TTLL3: variants seen among roughly 807,000 people sequenced by gnomAD.
TTLL3 encodes tubulin tyrosine ligase like 3, also known as tubulin monoglycylase TTLL3.
TTLL3 carries 63 observed loss-of-function variants against 75.2 expected under a neutral mutation model. The observed-to-expected ratio is 0.84, with a 90% CI of 0.68 to 1.03. TTLL3 has a LOEUF of 1.03. Ranked by LOEUF, TTLL3 falls within the 50% of genes least tolerant of loss-of-function variation. The probability of loss-of-function intolerance (pLI) is 0.00; values close to 1 mark genes in which losing one functional copy is unlikely to be tolerated. For missense variants in TTLL3, 997 were observed against 1,069.9 expected (o/e 0.93, Z 0.95); for synonymous variants, 393 against 418.5 (o/e 0.94, Z 0.74).
At chr3:9,823,869 A>G (rs2080760768) in intron 8 of TTLL3, among the ~76,000 whole-genome samples, 1 of 152,240 alleles carries the variant, frequency 6.6e-6, no homozygotes. Context: ...TGAGGCAGCC[A>G]TCTGGGGTAT....
intron 7 of TTLL3, chr3:9,819,960 C>T (rs535758094): frequency 2.1e-4 from 207 of 986,294 alleles, no homozygotes; most frequent in Non-Finnish European, 2.3e-4. Flanking sequence ...CAGAGCACTG[C>T]GATGTTCAGG....
rs765116807 is a variant in TTLL3, at chr3:9,825,872, C to G, written c.927C>G (p.Ala309=). ...RCEDILQQLQ[A]VVPQIDMEGD... ...AGGACATCCTGCAGCAGCTGCAGGC[C>G]GTGGTACCCCAGATAGACATGGAAG... Residue 309 remains alanine (A), a synonymous_variant, in exon 9 of 14, where the codon GCC becomes GCG. Transcript: ENST00000685419. The G allele has an allele frequency of 9.3e-6, 15 of 1,614,124 alleles. No homozygotes were observed. The highest frequency in any genetic ancestry group is 1.2e-5 in the Non-Finnish European group (14 of 1,180,006).
At position 9,810,915 on chromosome 3, in the gene TTLL3, G is replaced by T. The variant is rs572477376; in HGVS notation, c.48+206G>T. On this transcript the variant is annotated intron_variant, in intron 2 of 13. Transcript: ENST00000685419. The surrounding 1 kb of genome is among the most constrained non-coding windows in gnomAD (Gnocchi z 4.4). The stretch of plus-strand genomic sequence containing the variant: ...GGCTCCCTCCACTCTGGTTCCCTGC[G>T]ATGTCCCACTCTAATCAAGGTGCCT... Among the ~76,000 whole-genome samples, 1 of 152,164 alleles carries T rather than the reference G, an allele frequency of 6.6e-6. No homozygotes were observed. The highest frequency in any genetic ancestry group is 2.1e-4 in the South Asian group (1 of 4,810).
chr3:9,818,568 CTG>C (rs1268127243), intron 6 of TTLL3: 1 of 972,942 alleles, frequency 1.0e-6, no homozygotes, highest in Admixed American at 3.8e-5. Flanking sequence ...CGGGGTTTCA[CTG>C]TGTTAGCCAG....
intron 12 of TTLL3, chr3:9,833,957 C>T (rs1575420172): frequency 5.9e-6 from 1 of 170,112 alleles, no homozygotes; most frequent in Non-Finnish European, 1.3e-5. Flanking sequence ...CTAAAAAATA[C>T]AAAAATTAGC....
At position 9,820,526 on chromosome 3, in the gene TTLL3, A is replaced by G; in HGVS notation, c.659-20A>G. ...ACCTGCCTTGATATGGGATCGTGAC[A>G]GGCCCCTCCCTATGTGCAGGAGACA... On this transcript the variant is annotated intron_variant, in intron 7 of 13. Transcript: ENST00000685419. 1.9e-6 allele frequency: 3 copies of G among 1,613,150 alleles called. No homozygotes were observed. The highest frequency in any genetic ancestry group is 2.5e-6 in the Non-Finnish European group (3 of 1,179,346).
chr3:9,819,346 A>T, intron 7 of TTLL3: 1 of 240,104 alleles, frequency 4.2e-6, no homozygotes, highest in Admixed American at 5.6e-5. Flanking sequence ...CCATCCACTC[A>T]TCCATTCTTC....
chr3:9,812,788 A>G lies in TTLL3; in HGVS notation c.49-155A>G, dbSNP rs143199560. The G allele has an allele frequency of 6.2e-4, 539 of 865,616 alleles. 1 individual carries two copies. In the African/African-American group the frequency reaches 8.8e-3, roughly 14 times the overall value. 53.6% of individuals were successfully genotyped at this position (865,616 alleles called of 1,614,324 possible). ...ATTATCATTATTACCATGCATATTT[A>G]TTTCTCTACTTATTTATAGTCTGTT... is the stretch of plus-strand genomic sequence containing the variant. On this transcript the variant is annotated intron_variant, in intron 2 of 13. Coordinates refer to ENST00000685419, the MANE Select transcript of TTLL3 (RefSeq NM_001387446.1).
At position 9,835,219 on chromosome 3, in the gene TTLL3, C is replaced by T; in HGVS notation, c.2178C>T (p.Asp726=). Reference sequence around the variant, plus strand: ...GGCCAAAGGCAAATTCAAGGCCAGACTGTGACAAACCCAGGGCTGAGGCCT... The same window carrying T: ...GGCCAAAGGCAAATTCAAGGCCAGATTGTGACAAACCCAGGGCTGAGGCCT... ...RSRPKANSRP[D]CDKPRAEACP... The change falls in exon 14 of 14, where the codon GAC becomes GAT. Residue 726 remains aspartate (D), a synonymous_variant. Coordinates refer to ENST00000685419, the MANE Select transcript of TTLL3 (RefSeq NM_001387446.1). 1 of 1,614,210 alleles carries T rather than the reference C, an allele frequency of 6.2e-7. No individual in the cohort carries two copies. The highest frequency in any genetic ancestry group is 1.1e-5 in the South Asian group (1 of 91,090).
intron 10 of TTLL3, chr3:9,828,035 G>A (rs1044410315): frequency 3.3e-5 from 5 of 151,840 alleles, no homozygotes; most frequent in African/African-American, 7.3e-5. Context: ...CCAGCTACTC[G>A]GGAGGCCGTG....
rs1239704211 is a variant in TTLL3, at chr3:9,836,153, G to A, written c.*664G>A. On this transcript the variant is annotated 3_prime_UTR_variant, in exon 14 of 14. Transcript: ENST00000685419. ...GTGAAACCGTTTCTACAGAAAATTA[G>A]CTGGGTGTGGTGGCACACACCTGTA... 3 of 152,218 alleles carry A rather than the reference G, an allele frequency of 2.0e-5. No homozygotes were observed. The highest frequency in any genetic ancestry group is 7.2e-5 in the African/African-American group (3 of 41,424). 9.4% of individuals were successfully genotyped at this position (152,218 alleles called of 1,614,324 possible).
At position 9,829,323 on chromosome 3, in the gene TTLL3, C is replaced by T. The variant is rs1306411792; in HGVS notation, c.1611C>T (p.Thr537=). The stretch of plus-strand genomic sequence containing the variant: ...TCTGTGCTGGCGTGCAAGCTGACAC[C>T]CTGCGCGTGGTCATTGACCGGATGC... The part of the protein sequence containing the change: ...ARLCAGVQAD[T]LRVVIDRMLD... The change falls in exon 11 of 14, where the codon ACC becomes ACT. Residue 537 remains threonine, a synonymous_variant. Transcript: ENST00000685419. The T allele has an allele frequency of 6.2e-7, 1 of 1,613,466 alleles. No homozygotes were observed. The highest frequency in any genetic ancestry group is 8.5e-7 in the Non-Finnish European group (1 of 1,179,640).
chr3:9,815,083 C>CA (rs1220767373), intron 4 of TTLL3, among the ~76,000 whole-genome samples: 1 of 151,152 alleles, frequency 6.6e-6, no homozygotes, highest in Non-Finnish European at 1.5e-5. Context: ...ACTAAAAATA[C>CA]AAAAAAATTA....
At chr3:9,819,223 A>C in intron 7 of TTLL3, 1 of 388,648 alleles carries the variant, frequency 2.6e-6, no homozygotes. Flanking sequence ...TGTCAGCTCC[A>C]TACTCCCCAT....
chr3:9,813,250 G>A lies in TTLL3; in HGVS notation c.220G>A (p.Asp74Asn). The A allele has an allele frequency of 1.9e-6, 3 of 1,614,228 alleles. No individual in the cohort carries two copies. The highest frequency in any genetic ancestry group is 1.3e-5 in the African/African-American group (1 of 75,052). ...MGDSDTTEDE[D>N]EDEDEEFQPS... ...AGCTCTGGGCTCTGCATCCACAGAGGATGAAGATGAGGACGAGGAGTTCCA... is the reference window on the plus strand; with the variant it reads ...AGCTCTGGGCTCTGCATCCACAGAGAATGAAGATGAGGACGAGGAGTTCCA... Residue 74 changes from aspartate to asparagine, a missense_variant and splice_region_variant, in exon 4 of 14, where the codon GAT becomes AAT. By Grantham distance (23) the Asp-to-Asn change is conservative. Transcript: ENST00000685419.
intron 8 of TTLL3, 117 bp downstream of exon 8, chr3:9,820,858 C>G (rs2080344942): frequency 1.4e-6 from 2 of 1,466,240 alleles, no homozygotes; most frequent in Non-Finnish European, 1.8e-6. Context: ...CCCCGCTGTT[C>G]TGCTCAGGAA....
In TTLL3 at chr3:9,810,279, CCGCCTCAGCGG is replaced by C. The variant is rs2079216630; in HGVS notation, c.-151_-141del. On this transcript the variant is annotated 5_prime_UTR_variant, in exon 1 of 14. Transcript: ENST00000685419. The surrounding 1 kb of genome is among the most constrained non-coding windows in gnomAD (Gnocchi z 4.4). ...AGGCGGGCAGCCCCGCCCCTGCGCG[CCGCCTCAGCGG>C]CGCCTTCAAGACGCTGGTCCCAGGC... 75 of 1,504,666 alleles carry C rather than the reference CCGCCTCAGCGG, an allele frequency of 5.0e-5. No homozygotes were observed. The highest frequency in any genetic ancestry group is 6.6e-5 in the Non-Finnish European group (75 of 1,135,858). The allele number at this position is 1,504,666 out of a possible 1,614,324, so 93.2% of individuals were successfully genotyped here.
At chr3:9,810,057 C>T (rs1200216305), upstream of TTLL3, 12 of 1,354,428 alleles carry the variant, frequency 8.9e-6, no homozygotes, top group East Asian at 3.1e-5. The surrounding 1 kb of genome is among the most constrained non-coding windows in gnomAD (Gnocchi z 4.4). Context: ...AGCTGGGGCC[C>T]GGGCGCCGGG....
intron 11 of TTLL3, among the ~76,000 whole-genome samples, chr3:9,832,476 A>G (rs2081645876): frequency 1.3e-5 from 2 of 152,146 alleles, no homozygotes; most frequent in Admixed American, 6.5e-5. Flanking sequence ...GATACCTCCA[A>G]CTGGCTCCAG....
Sources: gnomAD v4.1 joint callset for allele counts (sites outside exome capture counted in the v4.1 genomes callset) on GRCh38, gnomAD v4.1.1 for gene constraint, Gnocchi (gnomAD v3.1) non-coding constraint, MANE v1.5 for transcripts, NCBI Gene and HGNC (gene_info 2026-07-23, HGNC 2026-07-21) for gene names.